Variants in ANOS1 observed in about 807,000 individuals in gnomAD.
ANOS1 encodes the protein anosmin 1.
ANOS1 carries 6 observed loss-of-function variants against 59.0 expected under a neutral mutation model. The observed-to-expected ratio is 0.10, with a 90% CI of 0.06 to 0.20. ANOS1 has a LOEUF of 0.20. Among genes scored for constraint, ANOS1 ranks in the 10% least tolerant of loss-of-function variants. ANOS1 has a pLI of 1.00. For synonymous variants in ANOS1, 217 were observed against 223.4 expected, an observed-to-expected ratio of 0.97 and a Z score of 0.25; for missense variants, 433 against 542.3, an observed-to-expected ratio of 0.80 and a Z score of 2.00.
Position 8,731,927 on chromosome X carries a change from T to A in ANOS1, c.110A>T (p.Glu37Val). The A allele has an allele frequency of 4.3e-6, 5 of 1,154,007 alleles. No homozygotes were observed. Among genetic ancestry groups the A allele is most frequent in the Non-Finnish European group, 5.8e-6 (5 of 869,512 alleles). The stretch of plus-strand genomic sequence containing the variant: ...CTGGACGCTCCCGGCAGACAGCGAC[T>A]CGTCCAGCCGCCGCGCAGCAGCCGC... ...PGAAAARRLDESLSAGSVQRA... is the reference protein window; with the variant it reads ...PGAAAARRLDVSLSAGSVQRA... Residue 37 changes from glutamate to valine, a missense_variant, in exon 1 of 14, where the codon GAG becomes GTG. Transcript: ENST00000262648.
At position 8,529,188 on chromosome X, in the gene ANOS1, T is replaced by C. The variant is rs1264307817; in HGVS notation, c.*3807A>G. The C allele has an allele frequency of 8.9e-6, 1 of 111,733 alleles. No homozygotes were observed. Among genetic ancestry groups the C allele is most frequent in the African/African-American group, 3.3e-5 (1 of 30,746 alleles). The allele number at this position is 111,733 out of a possible 1,213,427, so 9.2% of individuals were successfully genotyped here. A position where few individuals can be genotyped will look rare whatever the true frequency, so the allele number is the denominator to read the frequency against. On this transcript the variant is annotated 3_prime_UTR_variant, in exon 14 of 14. Coordinates refer to ENST00000262648, the MANE Select transcript of ANOS1 (RefSeq NM_000216.4). ...TAAGTAAAGGGGAAAAGTAACTTTATATAGACCTCTGTTAATCACTCCGTA... is the reference window on the plus strand; with the variant it reads ...TAAGTAAAGGGGAAAAGTAACTTTACATAGACCTCTGTTAATCACTCCGTA...
At chrX:8,565,608 A>G (rs941693516) in intron 8 of ANOS1, among the ~76,000 whole-genome samples, 2 of 112,633 alleles carry the variant, frequency 1.8e-5, no homozygotes, top group Non-Finnish European at 3.7e-5. Context: ...CAAGCGAAAG[A>G]ACTGGACAGA....
At chrX:8,585,179 T>C in intron 6 of ANOS1, 88 bp downstream of exon 6, 3 of 1,020,169 alleles carry the variant, frequency 2.9e-6, no homozygotes, top group Non-Finnish European at 1.4e-6. Flanking sequence ...TAACTATAAA[T>C]ATGAACATAG....
At chrX:8,543,323 T>C (rs1042374379) in intron 9 of ANOS1, among the ~76,000 whole-genome samples, 7 of 109,016 alleles carry the variant, frequency 6.4e-5, no homozygotes, top group Admixed American at 4.9e-4. Flanking sequence ...TAAACTTAGA[T>C]TAAAAATGCC....
At chrX:8,609,824 G>A (rs374564123) in intron 3 of ANOS1, among the ~76,000 whole-genome samples, 30 of 108,129 alleles carry the variant, frequency 2.8e-4, no homozygotes, top group African/African-American at 9.8e-4. Flanking sequence ...TGGCTAACAC[G>A]GTGAAACCCC....
At chrX:8,694,921 T>C (rs910809146) in intron 2 of ANOS1, among the ~76,000 whole-genome samples, 1 of 111,957 alleles carries the variant, frequency 8.9e-6, no homozygotes, top group African/African-American at 3.2e-5. Flanking sequence ...ACTTTCTTGA[T>C]TAGAAATAGG....
At chrX:8,674,494 C>G (rs1317868183) in intron 2 of ANOS1, among the ~76,000 whole-genome samples, 1 of 111,960 alleles carries the variant, frequency 8.9e-6, no homozygotes, top group Non-Finnish European at 1.9e-5. Flanking sequence ...CTCTTTAAGG[C>G]AGGGATGTCC....
chrX:8,726,031 G>A (rs908380317), intron 1 of ANOS1, among the ~76,000 whole-genome samples: 1 of 110,115 alleles, frequency 9.1e-6, no homozygotes, highest in East Asian at 2.9e-4. Flanking sequence ...TTCTCCCAGC[G>A]GCTCTCTAAA....
At chrX:8,701,530 C>A (rs913289757) in intron 1 of ANOS1, among the ~76,000 whole-genome samples, 1 of 111,802 alleles carries the variant, frequency 8.9e-6, no homozygotes, top group Non-Finnish European at 1.9e-5. Flanking sequence ...GTAATCACTC[C>A]CATTCTGTCT....
At chrX:8,689,534 A>AAATAAT (rs375100466) in intron 2 of ANOS1, among the ~76,000 whole-genome samples, 27 of 107,923 alleles carry the variant, frequency 2.5e-4, no homozygotes, top group Admixed American at 1.3e-3. Flanking sequence ...TTGTCTCTAC[A>AAATAAT]AATAATAATA....
intron 9 of ANOS1, among the ~76,000 whole-genome samples, chrX:8,546,987 T>C (rs1929780332): frequency 8.9e-6 from 1 of 111,732 alleles, no homozygotes; most frequent in Non-Finnish European, 1.9e-5. Flanking sequence ...GTTCAGACAA[T>C]AAATTATGTG....
At chrX:8,536,718 G>A in intron 11 of ANOS1, 53 bp downstream of exon 11, 1 of 1,046,929 alleles carries the variant, frequency 9.6e-7, no homozygotes, top group Non-Finnish European at 1.3e-6. Context: ...GGTTTGCAAA[G>A]CGCTGCTGAC....
rs184233038 is a variant in ANOS1 at position 8,690,873 on chromosome X, G to C, written c.255+8825C>G. 1.3e-3 allele frequency among the ~76,000 whole-genome samples: 145 copies of C among 110,489 alleles called. 1 individual carries two copies. The highest frequency in any genetic ancestry group is 4.4e-3 in the African/African-American group (135 of 30,362). On this transcript the variant is annotated intron_variant, in intron 2 of 13. Transcript: ENST00000262648. ...CTGTAAGCCAAGGCACCAAGACTGG[G>C]CCCTAAATTACCACTTTTCAACACA...
chrX:8,627,788 C>T (rs1418575828), intron 2 of ANOS1, among the ~76,000 whole-genome samples: 1 of 108,762 alleles, frequency 9.2e-6, no homozygotes, highest in Non-Finnish European at 1.9e-5. Flanking sequence ...GACAATGACA[C>T]ACTTTCTCTC....
At chrX:8,664,609 C>T (rs1300394557) in intron 2 of ANOS1, among the ~76,000 whole-genome samples, 1 of 111,173 alleles carries the variant, frequency 9.0e-6, no homozygotes, top group Non-Finnish European at 1.9e-5. Context: ...ACACACACCC[C>T]TTTACCCTTT....
chrX:8,625,479 ACT>A (rs1931375527), intron 2 of ANOS1, among the ~76,000 whole-genome samples: 1 of 112,294 alleles, frequency 8.9e-6, no homozygotes, highest in Admixed American at 9.4e-5. Context: ...CTACTTTTGC[ACT>A]CTGTTTTCTA....
chrX:8,699,807 AT>A, intron 1 of ANOS1, 62 bp from the exon 2 acceptor site: 2 of 875,943 alleles, frequency 2.3e-6, no homozygotes, highest in South Asian at 4.6e-5. Context: ...CAGATTTCTA[AT>A]TTAAAATTAT....
intron 2 of ANOS1, among the ~76,000 whole-genome samples, chrX:8,633,632 G>T (rs1002158456): frequency 4.5e-5 from 5 of 111,551 alleles, no homozygotes; most frequent in African/African-American, 1.6e-4. Context: ...CTAGCAGAGC[G>T]CACCTTAACA....
intron 3 of ANOS1, among the ~76,000 whole-genome samples, chrX:8,605,680 AAAAG>A (rs1412943116): frequency 1.8e-5 from 2 of 109,200 alleles, no homozygotes; most frequent in Non-Finnish European, 3.8e-5. Flanking sequence ...GAAAGAAAAG[AAAAG>A]AAAGAAAGAT....
Sources: allele counts gnomAD v4.1 joint callset (sites outside exome capture counted in the v4.1 genomes callset), GRCh38; gene constraint gnomAD v4.1.1; transcripts MANE v1.5; gene names NCBI Gene and HGNC (gene_info 2026-07-23, HGNC 2026-07-21).